The following PCDHGA6 variants were observed in gnomAD, a reference collection of about 807,000 sequenced individuals.
The protein encoded by PCDHGA6 is protocadherin gamma subfamily A, 6.
A neutral mutation model predicts 60.6 loss-of-function variants in PCDHGA6; 41 were observed. That is an observed-to-expected ratio of 0.68 (90% CI 0.53 to 0.88). The LOEUF (loss-of-function observed/expected upper bound fraction) is 0.88. Ranked by LOEUF, PCDHGA6 falls within the 40% of genes least tolerant of loss-of-function variation. The pLI is 0.00. For missense variants in PCDHGA6, 1,312 were observed against 1,203.0 expected, an observed-to-expected ratio of 1.09 and a Z score of -1.34; for synonymous variants, 594 against 524.4, an observed-to-expected ratio of 1.13 and a Z score of -1.81.
intron 1 of PCDHGA6, chr5:141,413,463 G>A: frequency 6.2e-7 from 1 of 1,614,128 alleles, no homozygotes; most frequent in African/African-American, 1.3e-5. Flanking sequence ...GGATAGACCG[G>A]GAGGAGCTCT....
In PCDHGA6 at chr5:141,413,886, C is replaced by T. The variant is rs916273509; in HGVS notation, c.2424+37379C>T. The T allele has an allele frequency of 8.7e-6, 14 of 1,613,202 alleles. No homozygotes were observed. The African/African-American group carries it at 1.7e-4, about 20-fold the overall frequency. On this transcript the variant is annotated intron_variant, in intron 1 of 3. Transcript: ENST00000517434. ...CTGTCCTTGTCAGTGTGACTGTCTT[C>T]GATGCAAATGACAACGCGCCGGTCT...
intron 1 of PCDHGA6, chr5:141,427,650 G>A (rs1352503291): frequency 1.4e-6 from 1 of 718,312 alleles, no homozygotes; most frequent in Admixed American, 2.0e-5. Flanking sequence ...AGTCTCCTAC[G>A]TGGTCCACGT....
chr5:141,389,790 G>C (rs1328126483), intron 1 of PCDHGA6: 1 of 1,613,470 alleles, frequency 6.2e-7, no homozygotes, highest in South Asian at 1.1e-5. Context: ...CAGGGACGCC[G>C]TCCGCCAGCG....
chr5:141,490,088 ACCACAC>A lies in PCDHGA6; in HGVS notation c.2425-4718_2425-4713del. On this transcript the variant is annotated intron_variant, in intron 1 of 3. Transcript: ENST00000517434. The surrounding 1 kb of genome is among the most constrained non-coding windows in gnomAD (Gnocchi z 5.4). The stretch of plus-strand genomic sequence containing the variant: ...GGCCAACTAGACTATTCTTTTGGAG[ACCACAC>A]ATCTGAGGCAGTGCGGAACCTCTTT... The A allele has an allele frequency of 6.2e-7, 1 of 1,614,190 alleles. No homozygotes were observed. Among genetic ancestry groups the A allele is most frequent in the Non-Finnish European group, 8.5e-7 (1 of 1,180,004 alleles).
chr5:141,487,032 C>T lies in PCDHGA6; in HGVS notation c.2425-7775C>T. 6.2e-7 allele frequency: 1 copy of T among 1,614,210 alleles called. No individual in the cohort carries two copies. The highest frequency in any genetic ancestry group is 1.1e-5 in the South Asian group (1 of 91,084). ...GAGGCCCCAGATCCCAGCCTGTTTG[C>T]AGTCTCTCGATATGCTGGGGAGGTG... On this transcript the variant is annotated intron_variant, in intron 1 of 3. Coordinates refer to ENST00000517434, the MANE Select transcript of PCDHGA6 (RefSeq NM_018919.3). The surrounding 1 kb of genome is among the most constrained non-coding windows in gnomAD (Gnocchi z 5.0).
intron 1 of PCDHGA6, among the ~76,000 whole-genome samples, chr5:141,480,704 G>A (rs545986902): frequency 8.5e-5 from 13 of 152,206 alleles, no homozygotes; most frequent in East Asian, 5.8e-4. Flanking sequence ...GCCACACCCC[G>A]ACAAATGAAA....
chr5:141,485,095 TC>T lies in PCDHGA6; in HGVS notation c.2425-9710del, dbSNP rs1040164730. ...GCGCGGGGAAAGGGAGATAGGTGTCTCCAGCTGCTGTGGCTGTTTGGGGCGG... is the reference window on the plus strand; with the variant it reads ...GCGCGGGGAAAGGGAGATAGGTGTCTCAGCTGCTGTGGCTGTTTGGGGCGG... On this transcript the variant is annotated intron_variant, in intron 1 of 3. Coordinates refer to ENST00000517434, the MANE Select transcript of PCDHGA6 (RefSeq NM_018919.3). This position sits in a 1 kb window ranked among gnomAD's most constrained non-coding sequence, Gnocchi z 5.7. 6.8e-5 allele frequency: 76 copies of T among 1,115,798 alleles called. No homozygotes were observed. Among genetic ancestry groups the T allele is most frequent in the South Asian group, 4.6e-4 (33 of 71,042 alleles). The allele number at this position is 1,115,798 out of a possible 1,614,324, so 69.1% of individuals were successfully genotyped here. A position where few individuals can be genotyped will look rare whatever the true frequency, so the allele number is the denominator to read the frequency against.
intron 1 of PCDHGA6, chr5:141,478,292 CTATA>C (rs1257685524): frequency 6.2e-7 from 1 of 1,614,146 alleles, no homozygotes; most frequent in Admixed American, 1.7e-5. Flanking sequence ...GTCTAGAGAC[CTATA>C]CCGAGCCCCG....
chr5:141,420,186 C>A, intron 1 of PCDHGA6: 1 of 1,613,696 alleles, frequency 6.2e-7, no homozygotes, highest in Non-Finnish European at 8.5e-7. Context: ...CATTGTCCAG[C>A]CACACAAGAT....
At chr5:141,388,332 A>G in intron 1 of PCDHGA6, 1 of 1,614,002 alleles carries the variant, frequency 6.2e-7, no homozygotes. Flanking sequence ...ACAGCCTGGC[A>G]CACGATTTAT....
At chr5:141,427,879 C>T in intron 1 of PCDHGA6, 1 of 1,562,380 alleles carries the variant, frequency 6.4e-7, no homozygotes. Context: ...ACGATGCAGG[C>T]CCACGACCAG....
At chr5:141,418,922 C>A in intron 1 of PCDHGA6, 1 of 1,613,994 alleles carries the variant, frequency 6.2e-7, no homozygotes, top group Non-Finnish European at 8.5e-7. Context: ...ACTCTCTGAT[C>A]AGATTATGGA....
At chr5:141,386,203 G>A (rs2090496623) in intron 1 of PCDHGA6, among the ~76,000 whole-genome samples, 1 of 152,140 alleles carries the variant, frequency 6.6e-6, no homozygotes, top group Non-Finnish European at 1.5e-5. Flanking sequence ...TAGACCAGTA[G>A]TTGATTTTAT....
At chr5:141,428,049 G>A (rs770637382) in intron 1 of PCDHGA6, 16 of 1,608,954 alleles carry the variant, frequency 9.9e-6, no homozygotes, top group Non-Finnish European at 1.4e-5. Flanking sequence ...GGTGACCAAG[G>A]TGGTGGCGGT....
intron 1 of PCDHGA6, chr5:141,414,885 C>T: frequency 6.2e-7 from 1 of 1,614,224 alleles, no homozygotes; most frequent in South Asian, 1.1e-5. Context: ...TGTACCCCGC[C>T]CTCCCCACAG....
Position 141,459,563 on chromosome 5 carries a change from C to T in PCDHGA6, c.2425-35244C>T, listed in dbSNP as rs1382676727. On this transcript the variant is annotated intron_variant, in intron 1 of 3. Coordinates refer to ENST00000517434, the MANE Select transcript of PCDHGA6 (RefSeq NM_018919.3). ...TTTTATTTCTCTTGGATAAATACCCCAAAACAGAATTGTTTTGGGGGTCAT... is the reference window on the plus strand; with the variant it reads ...TTTTATTTCTCTTGGATAAATACCCTAAAACAGAATTGTTTTGGGGGTCAT... Among the ~76,000 whole-genome samples, 21 of 152,044 alleles carry T rather than the reference C, an allele frequency of 1.4e-4. 1 individual carries two copies.
intron 3 of PCDHGA6, among the ~76,000 whole-genome samples, chr5:141,509,808 G>A (rs905531504): frequency 3.9e-5 from 6 of 152,028 alleles, no homozygotes; most frequent in Non-Finnish European, 7.4e-5. Context: ...TCATAGAGCC[G>A]AGCTCTTCTC....
chr5:141,500,189 TTTA>T (rs780229863), intron 2 of PCDHGA6, among the ~76,000 whole-genome samples: 5,656 of 110,928 alleles, frequency 0.051, 122 homozygotes, highest in Middle Eastern at 0.14. Context: ...TTTATTTTTA[TTTA>T]TTTATTTATT....
chr5:141,409,644 TG>T, intron 1 of PCDHGA6: 1 of 1,613,700 alleles, frequency 6.2e-7, no homozygotes, highest in Non-Finnish European at 8.5e-7. Flanking sequence ...GACCCGGATT[TG>T]GGGCTCAATG....
Sources: gnomAD v4.1 joint callset for allele counts (sites outside exome capture counted in the v4.1 genomes callset) on GRCh38, gnomAD v4.1.1 for gene constraint, Gnocchi (gnomAD v3.1) non-coding constraint, MANE v1.5 for transcripts, NCBI Gene and HGNC (gene_info 2026-07-23, HGNC 2026-07-21) for gene names.